The following PPFIBP2 variants were observed in gnomAD, a reference collection of about 807,000 sequenced individuals.
The protein encoded by PPFIBP2 is PPFIB scaffold protein 2.
In PPFIBP2, 118 loss-of-function variants were observed where a neutral mutation model predicts 118.3. That is an observed-to-expected ratio of 1.00 (90% CI 0.86 to 1.16). The LOEUF (loss-of-function observed/expected upper bound fraction) is 1.16, where lower values mean the gene tolerates loss of function less well. PPFIBP2 is among the 50% of genes most tolerant of loss of function. The pLI is 0.00. For synonymous variants in PPFIBP2, 414 were observed against 397.4 expected, an observed-to-expected ratio of 1.04 and a Z score of -0.50; for missense variants, 1,195 against 1,073.1, an observed-to-expected ratio of 1.11 and a Z score of -1.59.
chr11:7,589,473 G>C (rs1858832936), intron 3 of PPFIBP2, among the ~76,000 whole-genome samples: 1 of 151,960 alleles, frequency 6.6e-6, no homozygotes, highest in South Asian at 2.1e-4. Flanking sequence ...CATGCCTGTA[G>C]ACCCAGCTAC....
chr11:7,565,381 C>T (rs961770178), intron 2 of PPFIBP2, among the ~76,000 whole-genome samples, 172 bp from the exon 3 acceptor site: 1 of 152,222 alleles, frequency 6.6e-6, no homozygotes, highest in Non-Finnish European at 1.5e-5. Flanking sequence ...AGTGATCCTC[C>T]CGCTTCAGCC....
chr11:7,557,475 T>C (rs955664120), intron 2 of PPFIBP2, among the ~76,000 whole-genome samples: 2 of 150,158 alleles, frequency 1.3e-5, no homozygotes, highest in African/African-American at 5.0e-5. Context: ...TATGAACTTC[T>C]TGTCTCATTG....
At chr11:7,665,050 C>T in the PPFIBP2 span, 66 of 195,942 alleles carry the variant, frequency 3.4e-4, no homozygotes, top group African/African-American at 1.3e-3. Context: ...GGCCAGGCCA[C>T]GGCCTCCTGA....
At chr11:7,564,548 T>C (rs1345067244) in intron 2 of PPFIBP2, among the ~76,000 whole-genome samples, 1 of 152,236 alleles carries the variant, frequency 6.6e-6, no homozygotes, top group Non-Finnish European at 1.5e-5. Flanking sequence ...ACAGTAATTG[T>C]CATCTAGTGC....
intron 8 of PPFIBP2, among the ~76,000 whole-genome samples, chr11:7,627,465 T>TA (rs1491374307): frequency 2.6e-5 from 4 of 152,052 alleles, no homozygotes; most frequent in East Asian, 1.9e-4. Context: ...TTTTTTTTTT[T>TA]TATATAGACA....
At chr11:7,647,951 TG>T (rs1349800059) in intron 17 of PPFIBP2, among the ~76,000 whole-genome samples, 13 of 152,204 alleles carry the variant, frequency 8.5e-5, no homozygotes, top group Admixed American at 7.9e-4. Context: ...TTGGGTGTTT[TG>T]TTTTTTTTCT....
At chr11:7,575,502 G>A (rs72849635) in intron 3 of PPFIBP2, among the ~76,000 whole-genome samples, 1 of 152,206 alleles carries the variant, frequency 6.6e-6, no homozygotes, top group African/African-American at 2.4e-5. Flanking sequence ...CCTCCCAGGA[G>A]AGGGGAGAAT....
At chr11:7,556,626 T>C (rs1200366546) in intron 2 of PPFIBP2, among the ~76,000 whole-genome samples, 2 of 152,252 alleles carry the variant, frequency 1.3e-5, no homozygotes, top group Non-Finnish European at 2.9e-5. Flanking sequence ...AGTTGATTCT[T>C]TCATCCTGCT....
rs200549444 is a variant in PPFIBP2, at chr11:7,653,169, T to A, written c.2582T>A (p.Leu861His). ...AGTGGCTACCGGGGCCTCAGCCCCCTTGATGCCCCTGAACTGGATGGGCTG... is the reference window on the plus strand; with the variant it reads ...AGTGGCTACCGGGGCCTCAGCCCCCATGATGCCCCTGAACTGGATGGGCTG... ...VYSGYRGLSP[L>H]DAPELDGLDQ... is the part of the protein sequence containing the mutation. Residue 861 changes from leucine (L) to histidine (H), a missense_variant, in exon 24 of 24, where the codon CTT becomes CAT. Coordinates refer to ENST00000299492, the MANE Select transcript of PPFIBP2 (RefSeq NM_003621.5). The A allele has an allele frequency of 6.2e-7, 1 of 1,614,212 alleles. No individual in the cohort carries two copies. The highest frequency in any genetic ancestry group is 2.2e-5 in the East Asian group (1 of 44,878).
intron 6 of PPFIBP2, 75 bp from the exon 7 acceptor site, chr11:7,620,860 G>A: frequency 9.4e-7 from 1 of 1,062,572 alleles, no homozygotes; most frequent in Non-Finnish European, 1.5e-6. Flanking sequence ...CCATATGCAT[G>A]AGCTTAACCA....
intron 1 of PPFIBP2, among the ~76,000 whole-genome samples, chr11:7,535,149 A>G (rs1246205374): frequency 6.6e-6 from 1 of 152,196 alleles, no homozygotes; most frequent in African/African-American, 2.4e-5. Context: ...GTATCCTCCC[A>G]TTGGGTCTTG....
intron 3 of PPFIBP2, chr11:7,571,966 A>T (rs1008383067): frequency 1.4e-4 from 21 of 152,326 alleles, no homozygotes; most frequent in African/African-American, 4.3e-4. Flanking sequence ...TAACATAAGC[A>T]CCTCTCATTA....
intron 3 of PPFIBP2, among the ~76,000 whole-genome samples, chr11:7,579,326 T>G (rs1009614901): frequency 2.0e-5 from 3 of 152,208 alleles, no homozygotes; most frequent in African/African-American, 7.2e-5. Flanking sequence ...TGTATAAAAT[T>G]ATTGCTTTAG....
intron 6 of PPFIBP2, among the ~76,000 whole-genome samples, chr11:7,615,853 A>G (rs528238144): frequency 1.3e-3 from 200 of 152,330 alleles, no homozygotes; most frequent in Non-Finnish European, 2.6e-3. Context: ...GTAAATCATA[A>G]CTCTGACAAT....
chr11:7,665,269 C>A, the PPFIBP2 span: 1 of 1,023,608 alleles, frequency 9.8e-7, no homozygotes, highest in Non-Finnish European at 1.4e-6. Flanking sequence ...CGCGAAGGTA[C>A]ATGGCAAGGC....
intron 1 of PPFIBP2, among the ~76,000 whole-genome samples, chr11:7,517,406 A>G (rs1179757805): frequency 6.6e-6 from 1 of 152,142 alleles, no homozygotes; most frequent in African/African-American, 2.4e-5. Context: ...AGATAGGGGT[A>G]AGGAAAGGTT....
the PPFIBP2 span, among the ~76,000 whole-genome samples, chr11:7,664,786 T>G: frequency 6.6e-6 from 1 of 151,578 alleles, no homozygotes; most frequent in Non-Finnish European, 1.5e-5. Flanking sequence ...AACAGGGGGA[T>G]GGGTGAGGTT....
Position 7,565,535 on chromosome 11 carries a change from A to G in PPFIBP2, c.65-18A>G. The G allele has an allele frequency of 6.2e-7, 1 of 1,613,146 alleles. No homozygotes were observed. The highest frequency in any genetic ancestry group is 8.5e-7 in the Non-Finnish European group (1 of 1,179,372). ...TGTCCACCCTTCTTACTGAGTTTTC[A>G]CCTCTCTCTCATTGCAGGCACTAAA... On this transcript the variant is annotated intron_variant, in intron 2 of 23. Transcript: ENST00000299492.
rs528139515 is a variant in PPFIBP2, at chr11:7,619,602, T to C, written c.619-1333T>C. On this transcript the variant is annotated intron_variant, in intron 6 of 23. Coordinates refer to ENST00000299492, the MANE Select transcript of PPFIBP2 (RefSeq NM_003621.5). Reference sequence around the variant, plus strand: ...ACAGAGGAGCAACCAATGAATTGACTGTCCAGGCTGTCAGTGCTAATTGCT... The same window carrying C: ...ACAGAGGAGCAACCAATGAATTGACCGTCCAGGCTGTCAGTGCTAATTGCT... 2.0e-4 allele frequency among the ~76,000 whole-genome samples: 30 copies of C among 152,352 alleles called. No individual in the cohort carries two copies. The South Asian group carries it at 6.2e-3, about 32-fold the overall frequency.
Sources: gnomAD v4.1 joint callset for allele counts (sites outside exome capture counted in the v4.1 genomes callset) on GRCh38, gnomAD v4.1.1 for gene constraint, MANE v1.5 for transcripts, NCBI Gene and HGNC (gene_info 2026-07-23, HGNC 2026-07-21) for gene names.